Variants in SNCAIP observed in about 807,000 individuals in gnomAD.
SNCAIP encodes synuclein alpha interacting protein.
In SNCAIP, 43 loss-of-function variants were observed where a neutral mutation model predicts 86.7. The ratio of observed to expected loss-of-function variants is 0.50; its 90% confidence interval spans 0.39 to 0.64. SNCAIP has a LOEUF of 0.64. Ranked by LOEUF, SNCAIP falls within the 30% of genes least tolerant of loss-of-function variation. The pLI is 0.00. For missense variants in SNCAIP, 981 were observed against 1,103.1 expected, an observed-to-expected ratio of 0.89 and a Z score of 1.57; for synonymous variants, 417 against 427.2, an observed-to-expected ratio of 0.98 and a Z score of 0.29.
At chr5:122,432,413 A>G (rs1778588873) in intron 6 of SNCAIP, among the ~76,000 whole-genome samples, 2 of 152,172 alleles carry the variant, frequency 1.3e-5, no homozygotes, top group African/African-American at 4.8e-5. Flanking sequence ...TTTGGAGATA[A>G]AGAGAAATAG....
intron 1 of SNCAIP, among the ~76,000 whole-genome samples, chr5:122,338,879 C>G (rs902993095): frequency 6.6e-6 from 1 of 151,956 alleles, no homozygotes; most frequent in Admixed American, 6.6e-5. Context: ...TATATTAAGT[C>G]CTCTAAATAG....
chr5:122,347,991 C>T (rs995637064), intron 1 of SNCAIP, among the ~76,000 whole-genome samples: 25 of 151,860 alleles, frequency 1.6e-4, no homozygotes, highest in African/African-American at 5.1e-4. Context: ...AGCAAGCCAA[C>T]GTATAGATAG....
chr5:122,416,338 C>T (rs1349170325), intron 3 of SNCAIP, among the ~76,000 whole-genome samples: 9 of 152,270 alleles, frequency 5.9e-5, no homozygotes, highest in South Asian at 2.1e-4. Flanking sequence ...TTTTAATGCC[C>T]TAATGTGGAT....
intron 1 of SNCAIP, among the ~76,000 whole-genome samples, chr5:122,347,129 A>G (rs760260265): frequency 1.7e-4 from 26 of 152,240 alleles, no homozygotes; most frequent in Middle Eastern, 3.4e-3. Flanking sequence ...AACTGGAACA[A>G]AAAACATGTG....
intron 1 of SNCAIP, among the ~76,000 whole-genome samples, chr5:122,324,801 G>A (rs1753683533): frequency 6.6e-6 from 1 of 152,176 alleles, no homozygotes; most frequent in Admixed American, 6.5e-5. Context: ...ATTCTAGAAG[G>A]GAATTTGGAG....
intron 3 of SNCAIP, among the ~76,000 whole-genome samples, chr5:122,411,673 T>A (rs546861254): frequency 6.6e-6 from 1 of 152,246 alleles, no homozygotes; most frequent in Non-Finnish European, 1.5e-5. Flanking sequence ...GGCATTTGCT[T>A]TTCAAATGGC....
chr5:122,347,193 A>G (rs753522643), intron 1 of SNCAIP, among the ~76,000 whole-genome samples: 1 of 152,084 alleles, frequency 6.6e-6, no homozygotes, highest in Non-Finnish European at 1.5e-5. Flanking sequence ...TATTTTACCC[A>G]CAAATTGTTT....
chr5:122,379,567 C>A (rs1167143505), intron 1 of SNCAIP, among the ~76,000 whole-genome samples: 1 of 148,580 alleles, frequency 6.7e-6, no homozygotes, highest in African/African-American at 2.5e-5. Flanking sequence ...CCAGAACTTC[C>A]AACACTACGT....
intron 1 of SNCAIP, among the ~76,000 whole-genome samples, chr5:122,367,069 C>T (rs1763333207): frequency 6.6e-6 from 1 of 151,984 alleles, no homozygotes; most frequent in African/African-American, 2.4e-5. Context: ...GTACCCAAGT[C>T]TGTCACCTCA....
intron 1 of SNCAIP, among the ~76,000 whole-genome samples, chr5:122,374,533 G>C (rs1340568227): frequency 1.3e-5 from 2 of 152,228 alleles, no homozygotes; most frequent in East Asian, 3.9e-4. Flanking sequence ...TCATTGGAGA[G>C]TATAGCTAGA....
intron 1 of SNCAIP, among the ~76,000 whole-genome samples, chr5:122,386,682 G>C (rs1031000212): frequency 1.3e-5 from 2 of 152,140 alleles, no homozygotes; most frequent in South Asian, 4.1e-4. Flanking sequence ...GCCGAGCCCT[G>C]TGTCCCCACA....
At chr5:122,356,949 T>C (rs1761130849) in intron 1 of SNCAIP, among the ~76,000 whole-genome samples, 1 of 152,186 alleles carries the variant, frequency 6.6e-6, no homozygotes, top group Non-Finnish European at 1.5e-5. Context: ...AATACTCTTC[T>C]ACTTGAAACC....
At chr5:122,438,552 A>G (rs1215386267) in intron 6 of SNCAIP, among the ~76,000 whole-genome samples, 6 of 152,176 alleles carry the variant, frequency 3.9e-5, no homozygotes, top group South Asian at 2.1e-4. Flanking sequence ...ATTTGTTTCA[A>G]TGTTTCACTT....
At chr5:122,324,525 T>C (rs977123528) in intron 1 of SNCAIP, among the ~76,000 whole-genome samples, 1 of 152,246 alleles carries the variant, frequency 6.6e-6, no homozygotes, top group African/African-American at 2.4e-5. Context: ...GTGGAATAAA[T>C]GAATCCTTCA....
chr5:122,383,413 C>T (rs34245497), intron 1 of SNCAIP: 4,564 of 153,050 alleles, frequency 0.03, 216 homozygotes, highest in African/African-American at 0.1. Flanking sequence ...GCACGGTGCG[C>T]GCACCCACTG....
At chr5:122,430,048 T>A (rs1778109328) in intron 5 of SNCAIP, among the ~76,000 whole-genome samples, 1 of 152,046 alleles carries the variant, frequency 6.6e-6, no homozygotes, top group Non-Finnish European at 1.5e-5. Flanking sequence ...GGCAAATACC[T>A]CAGGAGAATA....
intron 4 of SNCAIP, 67 bp from the exon 5 acceptor site, chr5:122,425,285 G>C: frequency 7.7e-7 from 1 of 1,294,042 alleles, no homozygotes; most frequent in Non-Finnish European, 1.1e-6. Context: ...AGTGCCCAGA[G>C]AAAAACTCCT....
rs932841014 is a variant in SNCAIP, at chr5:122,463,971, G to A, written c.*475G>A. The A allele has an allele frequency of 1.3e-5, 2 of 155,664 alleles. No homozygotes were observed. The highest frequency in any genetic ancestry group is 2.0e-4 in the South Asian group (1 of 4,934). The allele number at this position is 155,664 out of a possible 1,614,324, so 9.6% of individuals were successfully genotyped here. On this transcript the variant is annotated 3_prime_UTR_variant, in exon 11 of 11. Coordinates refer to ENST00000261368, the MANE Select transcript of SNCAIP (RefSeq NM_005460.4). ...TTGGCTCAGCTCCTTCATGAGATCA[G>A]GTCAGTGGTATTGTTTCTGTCAAGA...
chr5:122,361,030 T>C (rs1184621038), intron 1 of SNCAIP, among the ~76,000 whole-genome samples: 4 of 152,066 alleles, frequency 2.6e-5, no homozygotes, highest in African/African-American at 9.7e-5. Flanking sequence ...AAAATAAGGC[T>C]ATTAATACCT....
Sources: allele counts gnomAD v4.1 joint callset (sites outside exome capture counted in the v4.1 genomes callset), GRCh38; gene constraint gnomAD v4.1.1; transcripts MANE v1.5; gene names NCBI Gene and HGNC (gene_info 2026-07-23, HGNC 2026-07-21).